HECTD4: variants seen among roughly 807,000 people sequenced by gnomAD.
HECTD4 encodes the protein HECT domain E3 ubiquitin protein ligase 4, also known as probable E3 ubiquitin-protein ligase HECTD4.
In HECTD4, 114 loss-of-function variants were observed where a neutral mutation model predicts 471.5. That is an observed-to-expected ratio of 0.24 (90% CI 0.21 to 0.28). The LOEUF is 0.28. Among genes scored for constraint, HECTD4 ranks in the 10% least tolerant of loss-of-function variants. The pLI, the probability that HECTD4 is intolerant of heterozygous loss-of-function variation, is 1.00. For missense variants in HECTD4, 3,866 were observed against 5,651.5 expected, an observed-to-expected ratio of 0.68 and a Z score of 10.13; for synonymous variants, 2,012 against 2,256.0, an observed-to-expected ratio of 0.89 and a Z score of 3.07.
At chr12:112,294,009 C>T (rs1180197398) in intron 7 of HECTD4, among the ~76,000 whole-genome samples, 1 of 152,156 alleles carries the variant, frequency 6.6e-6, no homozygotes, top group Non-Finnish European at 1.5e-5. Flanking sequence ...AAGCAATCCC[C>T]CTGCCTGAGC....
chr12:112,223,705 C>A (rs2033158177), intron 44 of HECTD4, among the ~76,000 whole-genome samples: 1 of 152,296 alleles, frequency 6.6e-6, no homozygotes, highest in East Asian at 1.9e-4. Flanking sequence ...CAGGCGTGAG[C>A]CACCACGTCC....
intron 54 of HECTD4, 76 bp from the exon 55 acceptor site, chr12:112,200,874 T>TGC: frequency 8.2e-7 from 1 of 1,214,158 alleles, no homozygotes; most frequent in Non-Finnish European, 1.2e-6. Flanking sequence ...CGTGTGTGTG[T>TGC]GCGTGCGTGC....
At chr12:112,309,280 T>C (rs532194412) in intron 5 of HECTD4, among the ~76,000 whole-genome samples, 173 of 152,322 alleles carry the variant, frequency 1.1e-3, no homozygotes, top group Non-Finnish European at 1.7e-3. Flanking sequence ...GTCACTGATA[T>C]TGTTACAAAA....
intron 37 of HECTD4, 105 bp from the exon 38 acceptor site, chr12:112,233,190 A>C (rs576494875): frequency 2.9e-6 from 2 of 695,208 alleles, no homozygotes; most frequent in South Asian, 3.5e-5. Flanking sequence ...ATTATACACT[A>C]ACATTAGCTT....
At chr12:112,378,153 A>C (rs2036818265) in intron 1 of HECTD4, among the ~76,000 whole-genome samples, 1 of 152,166 alleles carries the variant, frequency 6.6e-6, no homozygotes, top group African/African-American at 2.4e-5. Flanking sequence ...TCCTGATCTC[A>C]GAGAACTTCT....
At position 112,235,950 on chromosome 12, in the gene HECTD4, G is replaced by T. The variant is rs1448015528; in HGVS notation, c.5445-166C>A. ...AGAATTAAGAATTTTGGAAACATTT[G>T]ATGAAACCAAACAACACTAATACTT... On this transcript the variant is annotated intron_variant, in intron 35 of 75. Transcript: ENST00000682272. The surrounding 1 kb of genome is among the most constrained non-coding windows in gnomAD (Gnocchi z 5.0). 2.6e-5 allele frequency among the ~76,000 whole-genome samples: 4 copies of T among 152,198 alleles called. No individual in the cohort carries two copies. Among genetic ancestry groups the T allele is most frequent in the Admixed American group, 2.0e-4 (3 of 15,280 alleles).
Position 112,270,299 on chromosome 12 carries a change from A to C in HECTD4, c.2103T>G (p.Ile701Met), listed in dbSNP as rs975776560. Residue 701 changes from isoleucine (I) to methionine (M), a missense_variant, in exon 12 of 76, where the codon ATT becomes ATG. Physicochemically the swap from Ile to Met is conservative, Grantham distance 10. Transcript: ENST00000682272. Reference sequence around the variant, plus strand: ...CCATGGCCTTCTCCATAATGTCACAAATACTGCTAAGATGATGTGCTTCAA... The same window carrying C: ...CCATGGCCTTCTCCATAATGTCACACATACTGCTAAGATGATGTGCTTCAA... ...HPIEAHHLSSICDIMEKAMVN... is the reference protein window; with the variant it reads ...HPIEAHHLSSMCDIMEKAMVN... 1.2e-6 allele frequency: 2 copies of C among 1,614,030 alleles called. No individual in the cohort carries two copies. The highest frequency in any genetic ancestry group is 2.2e-5 in the South Asian group (2 of 91,078).
In HECTD4 at chr12:112,261,393, T is replaced by C; in HGVS notation, c.2785A>G (p.Ile929Val). 1 of 1,610,438 alleles carries C rather than the reference T, an allele frequency of 6.2e-7. No homozygotes were observed. Among genetic ancestry groups the C allele is most frequent in the Non-Finnish European group, 8.5e-7 (1 of 1,176,882 alleles). The change falls in exon 18 of 76, where the codon ATC becomes GTC. Residue 929 changes from isoleucine (I) to valine (V), a missense_variant. This residue lies in a region of HECTD4 where 525 missense variants were observed against 672.6 expected (regional missense o/e 0.78). Coordinates refer to ENST00000682272, the MANE Select transcript of HECTD4 (RefSeq NM_001388303.1). ...KVSILALATQ[I>V]LTGCDEVLEM... The stretch of plus-strand genomic sequence containing the variant: ...AACACTTCATCACATCCAGTCAGGA[T>C]TTGGGTGGCAAGAGCCAAAATACTG...
At chr12:112,164,390 T>C (rs964416137) in intron 72 of HECTD4, 115 bp from the exon 73 acceptor site, 2 of 1,078,378 alleles carry the variant, frequency 1.9e-6, no homozygotes, top group African/African-American at 3.1e-5. Context: ...CTCGGCCGTG[T>C]AGATGAGCAT....
At chr12:112,366,772 T>C (rs1227712219) in intron 1 of HECTD4, among the ~76,000 whole-genome samples, 3 of 150,750 alleles carry the variant, frequency 2.0e-5, no homozygotes, top group Non-Finnish European at 4.4e-5. Context: ...TACCAGCTAC[T>C]TGGAGGCTAA....
chr12:112,171,097 G>A lies in HECTD4; in HGVS notation c.11932+20C>T. Reference sequence around the variant, plus strand: ...TCACCTCTCTCTTCCTGCAGGGCCAGGGCAGGTGCAGGCACTGACCTTTGG... The same window carrying A: ...TCACCTCTCTCTTCCTGCAGGGCCAAGGCAGGTGCAGGCACTGACCTTTGG... On this transcript the variant is annotated intron_variant, in intron 68 of 75. Coordinates refer to ENST00000682272, the MANE Select transcript of HECTD4 (RefSeq NM_001388303.1). 2 of 1,599,892 alleles carry A rather than the reference G, an allele frequency of 1.3e-6. No individual in the cohort carries two copies. The highest frequency in any genetic ancestry group is 1.7e-6 in the Non-Finnish European group (2 of 1,169,766).
chr12:112,233,054 T>A lies in HECTD4; in HGVS notation c.5947A>T (p.Thr1983Ser). 1.2e-6 allele frequency: 2 copies of A among 1,611,988 alleles called. No individual in the cohort carries two copies. The highest frequency in any genetic ancestry group is 2.2e-5 in the South Asian group (2 of 90,390). Reference sequence around the variant, plus strand: ...ACAACTTTCTCCATGTTGGCGCCAGTACCAAGTCGGAAGGGCCGTCCTTCT... The same window carrying A: ...ACAACTTTCTCCATGTTGGCGCCAGAACCAAGTCGGAAGGGCCGTCCTTCT... ...SSEGRPFRLG[T>S]GANMEKVVKM... Residue 1983 changes from threonine to serine, a missense_variant, in exon 38 of 76, where the codon ACT (threonine) becomes TCT (serine). Physicochemically the swap from Thr to Ser is moderately conservative, Grantham distance 58. This residue lies in a region of HECTD4 where 617 missense variants were observed against 915.1 expected (regional missense o/e 0.67). Coordinates refer to ENST00000682272, the MANE Select transcript of HECTD4 (RefSeq NM_001388303.1).
Position 112,381,942 on chromosome 12 carries a change from C to G in HECTD4, c.177+10G>C, listed in dbSNP as rs941053995. On this transcript the variant is annotated intron_variant, in intron 1 of 75. Transcript: ENST00000682272. The surrounding 1 kb of genome is among the most constrained non-coding windows in gnomAD (Gnocchi z 4.1). ...GTCCGATGGCGGGGGCCGGGGGCCG[C>G]CTCGCTCACCTCCAGGTCGGTGTCC... is the stretch of plus-strand genomic sequence containing the variant. 31 of 1,222,998 alleles carry G rather than the reference C, an allele frequency of 2.5e-5. No homozygotes were observed. In the African/African-American group the frequency reaches 4.9e-4, roughly 19 times the overall value. 75.8% of individuals were successfully genotyped at this position (1,222,998 alleles called of 1,614,324 possible).
rs1282212558 is a variant in HECTD4 at position 112,190,897 on chromosome 12, C to T, written c.9361G>A (p.Ala3121Thr). 4.4e-6 allele frequency: 7 copies of T among 1,573,848 alleles called. No individual in the cohort carries two copies. The highest frequency in any genetic ancestry group is 6.0e-6 in the Non-Finnish European group (7 of 1,159,874). The change falls in exon 60 of 76, where the codon GCC (alanine) becomes ACC (threonine). Residue 3121 changes from alanine to threonine, a missense_variant. Coordinates refer to ENST00000682272, the MANE Select transcript of HECTD4 (RefSeq NM_001388303.1). The part of the protein sequence containing the change: ...SLPLEFPLAM[A>T]FAEQLLSWKS... ...CAGGACAGCAGCTGCTCTGCGAAGG[C>T]CATAGCCAGTGGGAACTCCAGGGGC...
intron 52 of HECTD4, among the ~76,000 whole-genome samples, chr12:112,205,993 A>G (rs2032570002): frequency 6.6e-6 from 1 of 152,222 alleles, no homozygotes; most frequent in African/African-American, 2.4e-5. Context: ...AGCTTCTTCT[A>G]TCCACTTATT....
intron 25 of HECTD4, among the ~76,000 whole-genome samples, chr12:112,249,312 T>C (rs2033827968): frequency 6.7e-6 from 1 of 149,074 alleles, no homozygotes; most frequent in Admixed American, 6.7e-5. Flanking sequence ...CAAGATCACA[T>C]CACTGCACTC....
intron 55 of HECTD4, among the ~76,000 whole-genome samples, chr12:112,200,275 T>C (rs568782717): frequency 3.4e-4 from 52 of 152,068 alleles, no homozygotes; most frequent in Middle Eastern, 6.8e-3. Context: ...TGCCTTAGCC[T>C]CCAGAATAGC....
At chr12:112,219,143 A>G (rs905713878) in intron 45 of HECTD4, among the ~76,000 whole-genome samples, 4 of 152,178 alleles carry the variant, frequency 2.6e-5, no homozygotes, top group African/African-American at 9.7e-5. Flanking sequence ...CAAAGAAGCT[A>G]TTTATAAATT....
rs2030800985 is a variant in HECTD4 at position 112,163,742 on chromosome 12, C to CCGGGTGAGGAGCA, written c.12702-18_12702-6dup. 1 of 1,460,456 alleles carries CCGGGTGAGGAGCA rather than the reference C, an allele frequency of 6.8e-7. No individual in the cohort carries two copies. Among genetic ancestry groups the CCGGGTGAGGAGCA allele is most frequent in the Non-Finnish European group, 9.1e-7 (1 of 1,101,916 alleles). 90.5% of individuals were successfully genotyped at this position (1,460,456 alleles called of 1,614,324 possible). ...TAGATGTCCTTGTTCTCCCACCTGC[C>CCGGGTGAGGAGCA]CGGGTGAGGAGCACAGGTGAGGGAG... On this transcript the variant is annotated splice_region_variant and splice_polypyrimidine_tract_variant and intron_variant, in intron 73 of 75. Coordinates refer to ENST00000682272, the MANE Select transcript of HECTD4 (RefSeq NM_001388303.1). This position sits in a 1 kb window ranked among gnomAD's most constrained non-coding sequence, Gnocchi z 8.2.
Sources: allele counts gnomAD v4.1 joint callset (sites outside exome capture counted in the v4.1 genomes callset), GRCh38; gene constraint gnomAD v4.1.1; regional missense constraint gnomAD v4.1.1; non-coding constraint Gnocchi (gnomAD v3.1); transcripts MANE v1.5; gene names NCBI Gene and HGNC (gene_info 2026-07-23, HGNC 2026-07-21).